Variants in PRKCE observed in about 807,000 individuals in gnomAD.
PRKCE encodes the protein protein kinase C epsilon type.
Under a neutral mutation model 85.4 loss-of-function variants are expected in PRKCE, and 16 were observed. The observed-to-expected ratio is 0.19, with a 90% confidence interval of 0.13 to 0.28. The LOEUF is 0.28. PRKCE is among the 10% of genes least tolerant of loss of function. The pLI is 1.00. For synonymous variants in PRKCE, 388 were observed against 371.5 expected (o/e 1.04, Z -0.51); for missense variants, 573 against 975.2 (o/e 0.59, Z 5.49).
chr2:45,980,339 C>T lies in PRKCE; in HGVS notation c.651C>T (p.Ile217=). 6.3e-7 allele frequency: 1 copy of T among 1,599,688 alleles called. No homozygotes were observed. The highest frequency in any genetic ancestry group is 8.5e-7 in the Non-Finnish European group (1 of 1,179,950). The stretch of plus-strand genomic sequence containing the variant: ...ACAAGCGGTGCCACGAGCTCATAAT[C>T]ACAAAGTGTGCTGGGTTAAAGAAGC... The part of the protein sequence containing the change: ...VVHKRCHELI[I]TKCAGLKKQE... The change falls in exon 5 of 15, where the codon ATC becomes ATT. Residue 217 remains isoleucine, a synonymous_variant. Coordinates refer to ENST00000306156, the MANE Select transcript of PRKCE (RefSeq NM_005400.3).
At chr2:46,165,143 A>G (rs1198925278) in intron 14 of PRKCE, among the ~76,000 whole-genome samples, 1 of 152,114 alleles carries the variant, frequency 6.6e-6, no homozygotes, top group Non-Finnish European at 1.5e-5. Context: ...ACTACAGGCC[A>G]ACATCCCTTT....
In PRKCE at chr2:46,001,161, G is replaced by A. The variant is rs4952796; in HGVS notation, c.824-243G>A. 6.6e-6 allele frequency among the ~76,000 whole-genome samples: 1 copy of A among 151,684 alleles called. No individual in the cohort carries two copies. Among genetic ancestry groups the A allele is most frequent in the Non-Finnish European group, 1.5e-5 (1 of 67,920 alleles). ...TTACTTATCTATATTTAGGGTATAC[G>A]TAGAAAGGATGGCTGGAATGAAGTA... On this transcript the variant is annotated intron_variant, in intron 6 of 14. Transcript: ENST00000306156. This position sits in a 1 kb window ranked among gnomAD's most constrained non-coding sequence, Gnocchi z 4.4.
At chr2:45,853,797 G>A (rs1360498655) in intron 2 of PRKCE, among the ~76,000 whole-genome samples, 1 of 152,156 alleles carries the variant, frequency 6.6e-6, no homozygotes, top group African/African-American at 2.4e-5. Context: ...TTTCATGAGT[G>A]GGCATGGATC....
At chr2:45,680,530 A>G (rs1676806022) in intron 1 of PRKCE, among the ~76,000 whole-genome samples, 1 of 152,238 alleles carries the variant, frequency 6.6e-6, no homozygotes, top group South Asian at 2.1e-4. Context: ...GACTGTTTAC[A>G]TGCTTGCGAC....
intron 2 of PRKCE, among the ~76,000 whole-genome samples, chr2:45,949,076 G>A (rs1700434885): frequency 6.6e-6 from 1 of 152,170 alleles, no homozygotes; most frequent in Non-Finnish European, 1.5e-5. Context: ...CGTTGCATGT[G>A]TCTCCTTGGG....
rs374325985 is a variant in PRKCE, at chr2:46,089,662, C to T, written c.1592+3300C>T. Among the ~76,000 whole-genome samples the T allele has an allele frequency of 7.2e-5, 11 of 151,980 alleles. No individual in the cohort carries two copies. In the East Asian group the frequency reaches 7.7e-4, roughly 11 times the overall value. On this transcript the variant is annotated intron_variant, in intron 11 of 14. Coordinates refer to ENST00000306156, the MANE Select transcript of PRKCE (RefSeq NM_005400.3). ...CAGCAGAAGTGAGGGGCACAGGCCGCGGGTTGGGGAAGGCATCCAGCCCCT... is the reference window on the plus strand; with the variant it reads ...CAGCAGAAGTGAGGGGCACAGGCCGTGGGTTGGGGAAGGCATCCAGCCCCT...
chr2:45,802,975 T>C (rs1429767472), intron 1 of PRKCE, among the ~76,000 whole-genome samples: 3 of 152,248 alleles, frequency 2.0e-5, no homozygotes, highest in African/African-American at 7.2e-5. Context: ...CCAAGTGTTA[T>C]GTGAACAAGC....
chr2:45,687,031 TGTG>T (rs1212648330), intron 1 of PRKCE, among the ~76,000 whole-genome samples: 1 of 152,268 alleles, frequency 6.6e-6, no homozygotes, highest in East Asian at 1.9e-4. Flanking sequence ...TTAAAAATCT[TGTG>T]GTGGTACAGT....
rs147550919 is a variant in PRKCE at position 46,093,885 on chromosome 2, C to G, written c.1592+7523C>G. On this transcript the variant is annotated intron_variant, in intron 11 of 14. Coordinates refer to ENST00000306156, the MANE Select transcript of PRKCE (RefSeq NM_005400.3). Reference sequence around the variant, plus strand: ...TTTGGTTAAATGAATATATAGTATACATTATTATAACTGTGAAATACCATT... The same window carrying G: ...TTTGGTTAAATGAATATATAGTATAGATTATTATAACTGTGAAATACCATT... Among the ~76,000 whole-genome samples the G allele has an allele frequency of 7.3e-3, 1,111 of 152,154 alleles. 14 individuals are homozygous for G. The highest frequency in any genetic ancestry group is 0.025 in the African/African-American group (1,042 of 41,496).
intron 2 of PRKCE, among the ~76,000 whole-genome samples, chr2:45,857,146 G>A (rs1339148792): frequency 6.6e-6 from 1 of 152,194 alleles, no homozygotes; most frequent in African/African-American, 2.4e-5. Context: ...CATAGTGGCT[G>A]TACTAATAAA....
At chr2:46,083,229 G>T (rs1421246272) in intron 10 of PRKCE, among the ~76,000 whole-genome samples, 25 of 152,198 alleles carry the variant, frequency 1.6e-4, no homozygotes, top group Admixed American at 1.6e-3. Flanking sequence ...GGGATTACAG[G>T]CATGAGCCAC....
intron 1 of PRKCE, among the ~76,000 whole-genome samples, chr2:45,834,411 C>G (rs1431090186): frequency 6.6e-6 from 1 of 152,184 alleles, no homozygotes; most frequent in Non-Finnish European, 1.5e-5. Context: ...AAATTTTTAA[C>G]AAGTTAGCTC....
intron 11 of PRKCE, among the ~76,000 whole-genome samples, chr2:46,119,135 T>G (rs1367248999): frequency 6.6e-6 from 1 of 152,170 alleles, no homozygotes; most frequent in Admixed American, 6.5e-5. Flanking sequence ...TAATTGGTCC[T>G]GTTTTTCTCT....
chr2:46,154,327 C>T (rs1676975255), intron 13 of PRKCE, among the ~76,000 whole-genome samples: 1 of 152,118 alleles, frequency 6.6e-6, no homozygotes, highest in Non-Finnish European at 1.5e-5. Context: ...CTAGTTTATC[C>T]AACTTTCCAA....
Position 46,081,482 on chromosome 2 carries a change from T to C in PRKCE, c.1438-4726T>C, listed in dbSNP as rs186695753. 3.6e-3 allele frequency among the ~76,000 whole-genome samples: 547 copies of C among 151,992 alleles called. 6 individuals are homozygous for C. The highest frequency in any genetic ancestry group is 0.013 in the African/African-American group (520 of 41,430). On this transcript the variant is annotated intron_variant, in intron 10 of 14. Coordinates refer to ENST00000306156, the MANE Select transcript of PRKCE (RefSeq NM_005400.3). Reference sequence around the variant, plus strand: ...AGACTACGGCGGGGAGGGGAGAAAGTTATAAATTAATTACACAAATAAAAC... The same window carrying C: ...AGACTACGGCGGGGAGGGGAGAAAGCTATAAATTAATTACACAAATAAAAC...
At chr2:45,887,519 G>A (rs1695391762) in intron 2 of PRKCE, among the ~76,000 whole-genome samples, 3 of 151,796 alleles carry the variant, frequency 2.0e-5, no homozygotes, top group South Asian at 4.2e-4. Context: ...TAAGTACCCC[G>A]GAACCACACT....
chr2:46,069,818 G>C (rs1667921552), intron 10 of PRKCE, among the ~76,000 whole-genome samples: 1 of 152,172 alleles, frequency 6.6e-6, no homozygotes, highest in African/African-American at 2.4e-5. Flanking sequence ...TGCTATTCCT[G>C]CTTTAAATAG....
chr2:46,075,863 A>T (rs1232420458), intron 10 of PRKCE, among the ~76,000 whole-genome samples: 1 of 152,252 alleles, frequency 6.6e-6, no homozygotes, highest in Non-Finnish European at 1.5e-5. Context: ...AGGACACAGC[A>T]TTGGGTAGAG....
At chr2:45,897,545 T>C (rs563691820) in intron 2 of PRKCE, among the ~76,000 whole-genome samples, 37 of 152,312 alleles carry the variant, frequency 2.4e-4, no homozygotes, top group African/African-American at 7.5e-4. Context: ...CAGAATGCAA[T>C]TGAGTATCTT....
Sources: gnomAD v4.1 joint callset for allele counts (sites outside exome capture counted in the v4.1 genomes callset) on GRCh38, gnomAD v4.1.1 for gene constraint, Gnocchi (gnomAD v3.1) non-coding constraint, MANE v1.5 for transcripts, NCBI Gene and HGNC (gene_info 2026-07-23, HGNC 2026-07-21) for gene names.